Variants in TEX15 observed in about 807,000 individuals in gnomAD.
The protein encoded by TEX15 is testis-expressed protein 15.
TEX15 carries 171 observed loss-of-function variants against 237.3 expected under a neutral mutation model. That is an observed-to-expected ratio of 0.72 (90% confidence interval 0.64 to 0.82). The LOEUF (loss-of-function observed/expected upper bound fraction) is 0.82, where lower values mean the gene tolerates loss of function less well. Among genes scored for constraint, TEX15 ranks in the 40% least tolerant of loss-of-function variants. The pLI is 0.00. For missense variants in TEX15, 3,750 were observed against 3,646.5 expected, an observed-to-expected ratio of 1.03 and a Z score of -0.73; for synonymous variants, 1,338 against 1,269.8, an observed-to-expected ratio of 1.05 and a Z score of -1.14.
Position 30,843,187 on chromosome 8 carries a change from A to C in TEX15, c.6980T>G (p.Ile2327Ser), listed in dbSNP as rs1483961779. 1 of 1,613,390 alleles carries C rather than the reference A, an allele frequency of 6.2e-7. No homozygotes were observed. Among genetic ancestry groups the C allele is most frequent in the East Asian group, 2.2e-5 (1 of 44,836 alleles). ...TLSKDLNNEP[I>S]SPIGLEEDTI... Reference sequence around the variant, plus strand: ...ATCCTCCTCAAGCCCAATAGGGGAAATTGGTTCATTGTTTAAATCTTTAGA... The same window carrying C: ...ATCCTCCTCAAGCCCAATAGGGGAACTTGGTTCATTGTTTAAATCTTTAGA... The change falls in exon 8 of 11, where the codon ATT (isoleucine) becomes AGT (serine). Residue 2327 changes from isoleucine to serine, a missense_variant. Physicochemically the swap from Ile to Ser is moderately radical, Grantham distance 142. Transcript: ENST00000643185.
chr8:30,879,940 A>T (rs922896053), intron 3 of TEX15, among the ~76,000 whole-genome samples: 24 of 103,738 alleles, frequency 2.3e-4, no homozygotes, highest in African/African-American at 1.2e-3. Context: ...TTTTTTTTTA[A>T]AAAAAAAAAT....
At chr8:30,884,548 T>C (rs1439115125) in intron 3 of TEX15, among the ~76,000 whole-genome samples, 8 of 152,316 alleles carry the variant, frequency 5.3e-5, no homozygotes, top group Middle Eastern at 6.8e-3. Context: ...ATATTTCTTC[T>C]TGTGTGACTT....
chr8:30,908,952 C>T (rs896762689), intron 1 of TEX15, among the ~76,000 whole-genome samples: 4 of 152,034 alleles, frequency 2.6e-5, no homozygotes, highest in Admixed American at 6.6e-5. Flanking sequence ...ATGCCATTTC[C>T]GCATTCATAT....
rs910989172 is a variant in TEX15 at position 30,852,100 on chromosome 8, CTTTTTTTT to C, written c.851-2792_851-2785del. ...AGTGCCTTATGTACATTAATTTAATCTTTTTTTTTTTTTTTTTTTTTTTTTTGAGACAG... is the reference window on the plus strand; with the variant it reads ...AGTGCCTTATGTACATTAATTTAATCTTTTTTTTTTTTTTTTTTGAGACAG... On this transcript the variant is annotated intron_variant, in intron 7 of 10. Coordinates refer to ENST00000643185, the MANE Select transcript of TEX15 (RefSeq NM_001350162.2). 5.9e-4 allele frequency among the ~76,000 whole-genome samples: 53 copies of C among 90,406 alleles called. No homozygotes were observed. The East Asian group carries it at 0.013, about 23-fold the overall frequency. 59.3% of individuals were successfully genotyped at this position (90,406 alleles called of 152,430 possible).
At chr8:30,904,446 C>CAAAAAAAAAAA (rs200542503) in intron 1 of TEX15, among the ~76,000 whole-genome samples, 1 of 102,034 alleles carries the variant, frequency 9.8e-6, no homozygotes, top group African/African-American at 3.5e-5. Context: ...GACTCCGTCT[C>CAAAAAAAAAAA]AAAAAAAAAA....
intron 1 of TEX15, among the ~76,000 whole-genome samples, chr8:30,905,547 T>G (rs917205542): frequency 6.6e-6 from 1 of 151,958 alleles, no homozygotes; most frequent in African/African-American, 2.4e-5. Context: ...GAAAATTATT[T>G]GACTTATTCA....
At chr8:30,852,098 A>ATTTTT (rs1369995680) in intron 7 of TEX15, among the ~76,000 whole-genome samples, 1 of 121,788 alleles carries the variant, frequency 8.2e-6, no homozygotes, top group African/African-American at 4.0e-5. Flanking sequence ...CATTAATTTA[A>ATTTTT]TCTTTTTTTT....
Position 30,837,564 on chromosome 8 carries a change from G to A in TEX15, c.8720C>T (p.Pro2907Leu), listed in dbSNP as rs865948081. 6.2e-7 allele frequency: 1 copy of A among 1,613,956 alleles called. No homozygotes were observed. Among genetic ancestry groups the A allele is most frequent in the South Asian group, 1.1e-5 (1 of 91,072 alleles). The change falls in exon 10 of 11, where the codon CCT becomes CTT. Residue 2907 changes from proline to leucine, a missense_variant. By Grantham distance (98) the Pro-to-Leu change is moderately conservative (BLOSUM62 -3). Transcript: ENST00000643185. The part of the protein sequence containing the change: ...PIFCFVKDVH[P>L]DLEMNDTVFE... ...GACTGTGTCATTCATTTCTAGATCA[G>A]GATGGACATCTTTCACAAAACAGAA... is the stretch of plus-strand genomic sequence containing the variant.
intron 6 of TEX15, 38 bp from the exon 7 acceptor site, chr8:30,858,868 G>A: frequency 1.4e-6 from 2 of 1,431,082 alleles, no homozygotes; most frequent in Non-Finnish European, 9.2e-7. Context: ...ATTAATTTTG[G>A]CAATCAGAGT....
intron 5 of TEX15, among the ~76,000 whole-genome samples, chr8:30,862,805 T>G (rs2128771018): frequency 6.6e-6 from 1 of 152,336 alleles, no homozygotes; most frequent in South Asian, 2.1e-4. Flanking sequence ...TGTTTATTTC[T>G]CCAAGAAAAA....
Position 30,837,264 on chromosome 8 carries a change from A to C in TEX15, c.9020T>G (p.Val3007Gly). The C allele has an allele frequency of 6.2e-7, 1 of 1,614,174 alleles. No homozygotes were observed. Among genetic ancestry groups the C allele is most frequent in the Non-Finnish European group, 8.5e-7 (1 of 1,180,020 alleles). ...SEQQNDKNSKVLMQNAATYWN... is the reference protein window; with the variant it reads ...SEQQNDKNSKGLMQNAATYWN... ...ATATGTGGCAGCATTCTGCATTAGG[A>C]CTTTTGAATTTTTGTCATTCTGTTG... The change falls in exon 10 of 11, where the codon GTC (valine) becomes GGC (glycine). Residue 3007 changes from valine (V) to glycine (G), a missense_variant. Val to Gly is a moderately radical substitution (Grantham distance 109). Coordinates refer to ENST00000643185, the MANE Select transcript of TEX15 (RefSeq NM_001350162.2).
chr8:30,858,551 G>A (rs758067729), intron 7 of TEX15, 117 bp downstream of exon 7: 39 of 863,570 alleles, frequency 4.5e-5, no homozygotes, highest in South Asian at 9.2e-5. Context: ...GCCCACTTCC[G>A]CCTCCCAAAG....
chr8:30,863,525 G>T (rs1013140132), intron 5 of TEX15, among the ~76,000 whole-genome samples: 1 of 152,158 alleles, frequency 6.6e-6, no homozygotes, highest in Admixed American at 6.5e-5. Flanking sequence ...TAACAGAGTG[G>T]CAACTAGAAG....
chr8:30,873,010 A>AT (rs1808324818), intron 4 of TEX15, among the ~76,000 whole-genome samples: 2 of 152,162 alleles, frequency 1.3e-5, no homozygotes, highest in African/African-American at 4.8e-5. Flanking sequence ...GTTGAGGTGT[A>AT]TAAGTAGGCT....
At position 30,878,527 on chromosome 8, in the gene TEX15, G is replaced by C. The variant is rs1237318077; in HGVS notation, c.137-3425C>G. 3.9e-5 allele frequency among the ~76,000 whole-genome samples: 6 copies of C among 152,144 alleles called. No homozygotes were observed. In the South Asian group the frequency reaches 1.2e-3, roughly 32 times the overall value. ...GCCTCACGAGTAGCTAGGATTACAG[G>C]CATGCGCCACCATGCCGGGCTAATT... On this transcript the variant is annotated intron_variant, in intron 3 of 10. Coordinates refer to ENST00000643185, the MANE Select transcript of TEX15 (RefSeq NM_001350162.2).
chr8:30,869,191 AGAC>A (rs1210240492), intron 4 of TEX15, among the ~76,000 whole-genome samples: 1 of 152,152 alleles, frequency 6.6e-6, no homozygotes, highest in South Asian at 2.1e-4. Flanking sequence ...AAATTTATTC[AGAC>A]GACAGGATCT....
At chr8:30,897,015 G>C (rs914768943) in intron 2 of TEX15, among the ~76,000 whole-genome samples, 1 of 152,086 alleles carries the variant, frequency 6.6e-6, no homozygotes, top group African/African-American at 2.4e-5. Flanking sequence ...ACCTGGCTAG[G>C]AAATTCACAC....
chr8:30,893,338 T>C (rs1159931179), intron 2 of TEX15, among the ~76,000 whole-genome samples: 2 of 152,244 alleles, frequency 1.3e-5, no homozygotes, highest in African/African-American at 2.4e-5. Context: ...AATTTCTATA[T>C]ATTGGCTACC....
Position 30,836,888 on chromosome 8 carries a change from T to C in TEX15, c.9396A>G (p.Gln3132=), listed in dbSNP as rs759566318. ...ASNFRQPIFS[Q]YASHQPLPQA... is the part of the protein sequence containing the mutation. Reference sequence around the variant, plus strand: ...GTGGTAATGGCTGATGAGAAGCATATTGTGAAAAAATTGGCTGCCGAAAAT... The same window carrying C: ...GTGGTAATGGCTGATGAGAAGCATACTGTGAAAAAATTGGCTGCCGAAAAT... The change falls in exon 10 of 11, where the codon CAA becomes CAG. Residue 3132 remains glutamine (Q), a synonymous_variant. Coordinates refer to ENST00000643185, the MANE Select transcript of TEX15 (RefSeq NM_001350162.2). The C allele has an allele frequency of 7.1e-5, 114 of 1,614,118 alleles. 2 individuals carry two copies. In the East Asian group the frequency reaches 2.1e-3, roughly 30 times the overall value.
Sources: allele counts gnomAD v4.1 joint callset (sites outside exome capture counted in the v4.1 genomes callset), GRCh38; gene constraint gnomAD v4.1.1; transcripts MANE v1.5; gene names NCBI Gene and HGNC (gene_info 2026-07-23, HGNC 2026-07-21).